Variants in SOX6 observed in about 807,000 individuals in gnomAD.
SOX6 encodes the protein SRY-box transcription factor 6.
SOX6 carries 11 observed loss-of-function variants against 97.8 expected under a neutral mutation model. The observed-to-expected ratio is 0.11, with a 90% CI of 0.07 to 0.19. The LOEUF (loss-of-function observed/expected upper bound fraction) is 0.19, where lower values mean the gene tolerates loss of function less well. Among genes scored for constraint, SOX6 ranks in the 10% least tolerant of loss-of-function variants. The pLI, the probability that SOX6 is intolerant of heterozygous loss-of-function variation, is 1.00. For synonymous variants in SOX6, 360 were observed against 371.4 expected (o/e 0.97, Z 0.35); for missense variants, 810 against 1,039.5 (o/e 0.78, Z 3.04).
At chr11:16,079,458 TA>T (rs1201894464) in intron 9 of SOX6, among the ~76,000 whole-genome samples, 1 of 152,198 alleles carries the variant, frequency 6.6e-6, no homozygotes, top group East Asian at 1.9e-4. Context: ...GTTTTTAAGC[TA>T]AACTAGGTAT....
intron 13 of SOX6, among the ~76,000 whole-genome samples, chr11:16,004,374 C>G (rs1481855987): frequency 6.6e-6 from 1 of 152,038 alleles, no homozygotes; most frequent in Non-Finnish European, 1.5e-5. Context: ...CAATGGCATC[C>G]AAACTTAGCT....
intron 3 of SOX6, among the ~76,000 whole-genome samples, chr11:16,657,550 G>A (rs1847732356): frequency 6.6e-6 from 1 of 152,180 alleles, no homozygotes; most frequent in Non-Finnish European, 1.5e-5. Flanking sequence ...GTACCATTTT[G>A]CATTCCAATG....
chr11:16,280,641 A>G (rs1271980997), intron 3 of SOX6, among the ~76,000 whole-genome samples: 3 of 152,028 alleles, frequency 2.0e-5, no homozygotes, highest in Non-Finnish European at 2.9e-5. Context: ...TTAAAACCCA[A>G]TCCAAATCAA....
chr11:15,988,874 C>T (rs1410632366), intron 14 of SOX6, 123 bp downstream of exon 14: 6 of 944,188 alleles, frequency 6.4e-6, no homozygotes, highest in Middle Eastern at 3.3e-4. Flanking sequence ...GGCTGACCTT[C>T]GTCTAACTTG....
chr11:16,431,198 C>G (rs1859266003), intron 1 of SOX6, among the ~76,000 whole-genome samples: 1 of 152,100 alleles, frequency 6.6e-6, no homozygotes, highest in African/African-American at 2.4e-5. Flanking sequence ...CCTCAGCACT[C>G]CCTACCACCT....
At chr11:16,007,830 A>G (rs970709959) in intron 13 of SOX6, among the ~76,000 whole-genome samples, 2 of 152,158 alleles carry the variant, frequency 1.3e-5, no homozygotes, top group East Asian at 3.9e-4. Context: ...AAGCAGACAT[A>G]CATACTGCTG....
At chr11:16,253,489 A>G (rs1446399347) in intron 3 of SOX6, among the ~76,000 whole-genome samples, 2 of 152,176 alleles carry the variant, frequency 1.3e-5, no homozygotes, top group Non-Finnish European at 2.9e-5. Flanking sequence ...AGTAGAGAGT[A>G]TGCAGACACA....
At chr11:16,193,247 T>G (rs1851676874) in intron 4 of SOX6, among the ~76,000 whole-genome samples, 1 of 152,114 alleles carries the variant, frequency 6.6e-6, no homozygotes, top group Non-Finnish European at 1.5e-5. Context: ...TGGCTCACAA[T>G]TGCAATCCTA....
intron 9 of SOX6, among the ~76,000 whole-genome samples, chr11:16,092,943 A>G (rs1409388646): frequency 1.3e-5 from 2 of 151,844 alleles, no homozygotes; most frequent in East Asian, 3.9e-4. Context: ...CTAAATTTAC[A>G]TGACTGCCTC....
chr11:16,366,259 A>G (rs1857356695), intron 1 of SOX6, among the ~76,000 whole-genome samples: 1 of 152,064 alleles, frequency 6.6e-6, no homozygotes. Context: ...GTTCTCCCAT[A>G]CAGTGTTTAA....
intron 3 of SOX6, among the ~76,000 whole-genome samples, chr11:16,261,578 T>C (rs1019082264): frequency 6.6e-6 from 1 of 151,988 alleles, no homozygotes; most frequent in African/African-American, 2.4e-5. Flanking sequence ...CTGGGGTATA[T>C]ACTCTGAGCA....
intron 6 of SOX6, among the ~76,000 whole-genome samples, chr11:16,142,701 A>G (rs1178355119): frequency 1.3e-5 from 2 of 152,180 alleles, no homozygotes; most frequent in Non-Finnish European, 2.9e-5. Flanking sequence ...CTACGTGACG[A>G]ATGCCCAAGC....
At chr11:16,111,489 T>C (rs968544726) in intron 7 of SOX6, among the ~76,000 whole-genome samples, 2 of 152,144 alleles carry the variant, frequency 1.3e-5, no homozygotes, top group Non-Finnish European at 2.9e-5. Context: ...AAAGGATCTT[T>C]AACCAAAAAA....
chr11:16,574,779 G>A (rs934477683), intron 4 of SOX6, among the ~76,000 whole-genome samples: 5 of 151,552 alleles, frequency 3.3e-5, no homozygotes, highest in Admixed American at 3.3e-4. Flanking sequence ...TTTAAAAAAA[G>A]ATCCTGTAAT....
intron 3 of SOX6, among the ~76,000 whole-genome samples, chr11:16,263,036 T>C (rs1853951286): frequency 1.3e-5 from 2 of 151,954 alleles, no homozygotes; most frequent in Non-Finnish European, 2.9e-5. Flanking sequence ...AATTCACCTG[T>C]CTTTGTCACT....
rs1397804632 is a variant in SOX6, at chr11:16,403,022, T to C, written c.-4-61770A>G. On this transcript the variant is annotated intron_variant, in intron 1 of 15. Transcript: ENST00000396356. ...GGAGTTACTAAGGCAACTGCTCTAA[T>C]CCTCCTTTTTACCACCTTTTTCACA... 2.0e-5 allele frequency among the ~76,000 whole-genome samples: 3 copies of C among 151,548 alleles called. No homozygotes were observed. The Admixed American group carries it at 2.0e-4, about 10-fold the overall frequency.
At chr11:16,065,205 C>G (rs1201979720) in intron 9 of SOX6, among the ~76,000 whole-genome samples, 2 of 151,974 alleles carry the variant, frequency 1.3e-5, no homozygotes, top group Non-Finnish European at 2.9e-5. Flanking sequence ...AAATCAATAG[C>G]ATTTCTATAT....
At chr11:16,134,846 T>C (rs539177163) in intron 6 of SOX6, among the ~76,000 whole-genome samples, 1 of 152,320 alleles carries the variant, frequency 6.6e-6, no homozygotes, top group African/African-American at 2.4e-5. Flanking sequence ...AACTCTACAA[T>C]GGCCTCTAAG....
At chr11:16,692,735 C>T (rs962760878) in intron 3 of SOX6, among the ~76,000 whole-genome samples, 3 of 152,180 alleles carry the variant, frequency 2.0e-5, no homozygotes, top group Non-Finnish European at 4.4e-5. Context: ...TGTACACACA[C>T]ACACATTGTT....
Sources: gnomAD v4.1 joint callset for allele counts (sites outside exome capture counted in the v4.1 genomes callset) on GRCh38, gnomAD v4.1.1 for gene constraint, MANE v1.5 for transcripts, NCBI Gene and HGNC (gene_info 2026-07-23, HGNC 2026-07-21) for gene names.